OSBPL1A: variants seen among roughly 807,000 people sequenced by gnomAD.
OSBPL1A encodes oxysterol binding protein like 1A.
In OSBPL1A, 80 loss-of-function variants were observed where a neutral mutation model predicts 137.1. The ratio of observed to expected loss-of-function variants is 0.58; its 90% CI spans 0.49 to 0.70. The LOEUF is 0.70. Ranked by LOEUF, OSBPL1A falls within the 30% of genes least tolerant of loss-of-function variation. The pLI is 0.00. For missense variants in OSBPL1A, 970 were observed against 1,129.4 expected, an observed-to-expected ratio of 0.86 and a Z score of 2.02; for synonymous variants, 365 against 389.7, an observed-to-expected ratio of 0.94 and a Z score of 0.75.
At position 24,397,649 on chromosome 18, in the gene OSBPL1A, A is replaced by C. The variant is rs1295266502; in HGVS notation, c.-3+6T>G. 1 of 152,208 alleles carries C rather than the reference A, an allele frequency of 6.6e-6. No individual in the cohort carries two copies. The highest frequency in any genetic ancestry group is 1.5e-5 in the Non-Finnish European group (1 of 68,060). 9.4% of individuals were successfully genotyped at this position (152,208 alleles called of 1,614,324 possible). A position where few individuals can be genotyped will look rare whatever the true frequency, so the allele number is the denominator to read the frequency against. On this transcript the variant is annotated splice_donor_region_variant and intron_variant, in intron 1 of 27. Coordinates refer to ENST00000319481, the MANE Select transcript of OSBPL1A (RefSeq NM_080597.4). The stretch of plus-strand genomic sequence containing the variant: ...CTCCAGGCGTGGACAGCCGCGAGAA[A>C]CTGACCTACGCGGTCACCCGGGCTC...
intron 14 of OSBPL1A, among the ~76,000 whole-genome samples, chr18:24,287,807 T>TAAAATAAAATAAAATA (rs1423160491): frequency 2.0e-5 from 3 of 151,392 alleles, no homozygotes; most frequent in Non-Finnish European, 4.4e-5. Flanking sequence ...TAAAATAAAA[T>TAAAATAAAATAAAATA]AAAATAAAAT....
At chr18:24,229,795 G>T (rs2088212538) in intron 16 of OSBPL1A, among the ~76,000 whole-genome samples, 1 of 151,410 alleles carries the variant, frequency 6.6e-6, no homozygotes, top group Non-Finnish European at 1.5e-5. Context: ...CTGTCACCCA[G>T]GCTGGAGTGC....
chr18:24,380,780 C>T (rs928432143), intron 1 of OSBPL1A, among the ~76,000 whole-genome samples: 1 of 151,934 alleles, frequency 6.6e-6, no homozygotes, highest in South Asian at 2.1e-4. Context: ...GGTGAAACCC[C>T]GTCTCTACTA....
chr18:24,363,986 T>A (rs2091666156), intron 4 of OSBPL1A, among the ~76,000 whole-genome samples: 1 of 152,082 alleles, frequency 6.6e-6, no homozygotes, highest in Non-Finnish European at 1.5e-5. Flanking sequence ...CCCACCGAGA[T>A]AATCCAAAAT....
At chr18:24,372,310 G>A (rs1905716804) in intron 2 of OSBPL1A, among the ~76,000 whole-genome samples, 1 of 151,854 alleles carries the variant, frequency 6.6e-6, no homozygotes, top group African/African-American at 2.4e-5. Flanking sequence ...AAAAAAAGAG[G>A]TATTTCATGG....
chr18:24,173,269 G>A (rs1298207226), intron 21 of OSBPL1A, among the ~76,000 whole-genome samples: 1 of 152,110 alleles, frequency 6.6e-6, no homozygotes, highest in Admixed American at 6.6e-5. Flanking sequence ...TTGGAGGAGG[G>A]AGAGGATCAG....
intron 17 of OSBPL1A, among the ~76,000 whole-genome samples, chr18:24,217,258 C>CT (rs562612104): frequency 0.36 from 46,804 of 131,464 alleles, 9,180 homozygotes; most frequent in Middle Eastern, 0.48. Context: ...AAGTTTTGCT[C>CT]TTTTTTTTTT....
At position 24,220,870 on chromosome 18, in the gene OSBPL1A, T is replaced by G. The variant is rs374170920; in HGVS notation, c.1601+4172A>C. Among the ~76,000 whole-genome samples, 7 of 152,142 alleles carry G rather than the reference T, an allele frequency of 4.6e-5. No homozygotes were observed. In the South Asian group the frequency reaches 1.2e-3, roughly 27 times the overall value. ...CTTTGTCACCCAGGCTGGTGTATAA[T>G]GCCATGATCTTGGCTCACTGCAACC... On this transcript the variant is annotated intron_variant, in intron 17 of 27. Coordinates refer to ENST00000319481, the MANE Select transcript of OSBPL1A (RefSeq NM_080597.4).
At chr18:24,176,825 T>A (rs2086461133) in intron 21 of OSBPL1A, among the ~76,000 whole-genome samples, 1 of 152,164 alleles carries the variant, frequency 6.6e-6, no homozygotes, top group African/African-American at 2.4e-5. Context: ...CCCTTCTGGG[T>A]CATTTCAATG....
chr18:24,298,679 C>T (rs893815401), intron 14 of OSBPL1A, among the ~76,000 whole-genome samples: 1 of 152,166 alleles, frequency 6.6e-6, no homozygotes, highest in African/African-American at 2.4e-5. Flanking sequence ...ATCCAAGAAC[C>T]CTCTCTTAGG....
At chr18:24,319,442 G>C (rs560893083) in intron 7 of OSBPL1A, among the ~76,000 whole-genome samples, 11 of 152,276 alleles carry the variant, frequency 7.2e-5, no homozygotes, top group South Asian at 2.1e-4. Context: ...CAGCCGTCTC[G>C]CTGCATAATG....
At chr18:24,396,349 G>A (rs1003281775) in intron 1 of OSBPL1A, among the ~76,000 whole-genome samples, 5 of 152,012 alleles carry the variant, frequency 3.3e-5, no homozygotes, top group African/African-American at 1.2e-4. Context: ...ATAAGTTTCT[G>A]CTGATTCACA....
In OSBPL1A at chr18:24,397,145, T is replaced by C. The variant is rs143211419; in HGVS notation, c.-3+510A>G. Among the ~76,000 whole-genome samples, 182 of 152,344 alleles carry C rather than the reference T, an allele frequency of 1.2e-3. 2 individuals are homozygous for C. The East Asian group carries it at 0.032, about 27-fold the overall frequency. On this transcript the variant is annotated intron_variant, in intron 1 of 27. Transcript: ENST00000319481. ...ATAAGTGAATTGTTAAAGTCTATTG[T>C]GCAGCTGCGCTCTCATTCAGTTTCA...
intron 15 of OSBPL1A, among the ~76,000 whole-genome samples, chr18:24,273,379 A>G (rs760525139): frequency 6.6e-6 from 1 of 152,242 alleles, no homozygotes; most frequent in Non-Finnish European, 1.5e-5. Context: ...AGTGCTAGGT[A>G]GCAAAACAAT....
intron 16 of OSBPL1A, among the ~76,000 whole-genome samples, chr18:24,238,286 A>T (rs896033320): frequency 6.6e-6 from 1 of 152,124 alleles, no homozygotes; most frequent in Non-Finnish European, 1.5e-5. Flanking sequence ...ATGCTCACCT[A>T]TTATATATGC....
At position 24,239,333 on chromosome 18, in the gene OSBPL1A, G is replaced by A; in HGVS notation, c.1331C>T (p.Ser444Leu). 1 of 1,614,026 alleles carries A rather than the reference G, an allele frequency of 6.2e-7. No homozygotes were observed. Among genetic ancestry groups the A allele is most frequent in the Non-Finnish European group, 8.5e-7 (1 of 1,179,976 alleles). Residue 444 changes from serine to leucine, a missense_variant, in exon 16 of 28, where the codon TCA (serine) becomes TTA (leucine). Coordinates refer to ENST00000319481, the MANE Select transcript of OSBPL1A (RefSeq NM_080597.4). ...EQEQEKNKILSEALETLATEH... is the reference protein window; with the variant it reads ...EQEQEKNKILLEALETLATEH... The stretch of plus-strand genomic sequence containing the variant: ...AGTGGCCAGCGTCTCCAGTGCTTCT[G>A]ACAAGATTTTGTTTTTTTCTTGCTC...
chr18:24,265,031 C>G (rs2089537978), intron 15 of OSBPL1A, among the ~76,000 whole-genome samples: 1 of 152,226 alleles, frequency 6.6e-6, no homozygotes, highest in Non-Finnish European at 1.5e-5. Context: ...CATCCACATC[C>G]TGCCTCCACT....
At chr18:24,371,559 T>C (rs538190671) in intron 2 of OSBPL1A, among the ~76,000 whole-genome samples, 54 of 152,130 alleles carry the variant, frequency 3.5e-4, no homozygotes, top group African/African-American at 1.3e-3. Flanking sequence ...CTTCAACCTC[T>C]CCCCCTTTAG....
At chr18:24,370,629 C>T (rs1905548694) in intron 2 of OSBPL1A, among the ~76,000 whole-genome samples, 2 of 152,140 alleles carry the variant, frequency 1.3e-5, no homozygotes, top group Admixed American at 1.3e-4. Flanking sequence ...ACACAGCTAT[C>T]CCCCAGACTT....
Sources: gnomAD v4.1 joint callset for allele counts (sites outside exome capture counted in the v4.1 genomes callset) on GRCh38, gnomAD v4.1.1 for gene constraint, MANE v1.5 for transcripts, NCBI Gene and HGNC (gene_info 2026-07-23, HGNC 2026-07-21) for gene names.